The following KIAA1549L variants were observed in gnomAD, a reference collection of about 807,000 sequenced individuals.
KIAA1549L encodes the protein KIAA1549 like, also known as UPF0606 protein KIAA1549L.
Under a neutral mutation model 160.7 loss-of-function variants are expected in KIAA1549L, and 88 were observed. The ratio of observed to expected loss-of-function variants is 0.55; its 90% CI spans 0.46 to 0.65. The LOEUF is 0.65. Among genes scored for constraint, KIAA1549L ranks in the 30% least tolerant of loss-of-function variants. KIAA1549L has a pLI of 0.00. For missense variants in KIAA1549L, 2,258 were observed against 2,437.5 expected, an observed-to-expected ratio of 0.93 and a Z score of 1.55; for synonymous variants, 950 against 976.7, an observed-to-expected ratio of 0.97 and a Z score of 0.51.
chr11:33,412,860 A>G (rs1448235798), intron 1 of KIAA1549L, among the ~76,000 whole-genome samples: 1 of 152,242 alleles, frequency 6.6e-6, no homozygotes, highest in Non-Finnish European at 1.5e-5. Context: ...CTTTTTAGAA[A>G]CAAGGAAACT....
intron 15 of KIAA1549L, among the ~76,000 whole-genome samples, chr11:33,612,210 AG>A (rs2133334259): frequency 6.6e-6 from 1 of 152,350 alleles, no homozygotes; most frequent in Admixed American, 6.5e-5. Flanking sequence ...AACCTCGGTA[AG>A]CTCAGAGGTA....
At chr11:33,567,387 T>C (rs1027841517) in intron 8 of KIAA1549L, among the ~76,000 whole-genome samples, 1 of 152,184 alleles carries the variant, frequency 6.6e-6, no homozygotes, top group African/African-American at 2.4e-5. Flanking sequence ...GTGGCTTGCC[T>C]GAGGTCCCTG....
chr11:33,432,593 TA>T (rs1016052761), intron 1 of KIAA1549L, among the ~76,000 whole-genome samples: 29 of 152,294 alleles, frequency 1.9e-4, no homozygotes, highest in Admixed American at 7.2e-4. Flanking sequence ...TTCCATGATC[TA>T]AACTGAAGAC....
rs138176778 is a variant in KIAA1549L, at chr11:33,604,659, G to A, written c.4880-1982G>A. ...AAATAATGTCTTTTGCAGCAACTTG[G>A]ATGGAGCTAGAGGCCATTATTCTAA... is the stretch of plus-strand genomic sequence containing the variant. On this transcript the variant is annotated intron_variant, in intron 13 of 20. Coordinates refer to ENST00000658780, the MANE Select transcript of KIAA1549L (RefSeq NM_012194.3). Among the ~76,000 whole-genome samples the A allele has an allele frequency of 6.1e-3, 929 of 152,268 alleles. 8 individuals are homozygous for A. Among genetic ancestry groups the A allele is most frequent in the African/African-American group, 0.02 (842 of 41,556 alleles).
chr11:33,478,386 A>G (rs1268527274), intron 1 of KIAA1549L, among the ~76,000 whole-genome samples: 2 of 152,228 alleles, frequency 1.3e-5, no homozygotes, highest in African/African-American at 2.4e-5. Flanking sequence ...TCTTGGGGAA[A>G]ACACAGATTG....
At chr11:33,640,750 C>T (rs931265360) in intron 16 of KIAA1549L, among the ~76,000 whole-genome samples, 4 of 152,092 alleles carry the variant, frequency 2.6e-5, no homozygotes, top group Non-Finnish European at 2.9e-5. Flanking sequence ...TTCTAATTTC[C>T]GACCATGAAC....
chr11:33,607,086 A>G (rs1319486571), intron 14 of KIAA1549L, among the ~76,000 whole-genome samples: 2 of 152,112 alleles, frequency 1.3e-5, no homozygotes, highest in Admixed American at 1.3e-4. Flanking sequence ...TATGAAGAGA[A>G]GCATCAGGCG....
At position 33,606,700 on chromosome 11, in the gene KIAA1549L, G is replaced by T. The variant is rs758860156; in HGVS notation, c.4939G>T (p.Ala1647Ser). ...ATTTGACAACTCCAGCAAGGTGGCCGCTGAACCCTTTGACACATCTTCTGG... is the reference window on the plus strand; with the variant it reads ...ATTTGACAACTCCAGCAAGGTGGCCTCTGAACCCTTTGACACATCTTCTGG... ...VLFDNSSKVA[A>S]EPFDTSSGSV... The change falls in exon 14 of 21, where the codon GCT becomes TCT. Residue 1647 changes from alanine (A) to serine (S), a missense_variant. Physicochemically the swap from Ala to Ser is moderately conservative, Grantham distance 99. Coordinates refer to ENST00000658780, the MANE Select transcript of KIAA1549L (RefSeq NM_012194.3). 6.2e-7 allele frequency: 1 copy of T among 1,613,834 alleles called. No individual in the cohort carries two copies. The highest frequency in any genetic ancestry group is 1.7e-5 in the Admixed American group (1 of 59,998).
At chr11:33,458,925 C>T (rs911582) in intron 1 of KIAA1549L, among the ~76,000 whole-genome samples, 29,688 of 152,172 alleles carry the variant, frequency 0.2, 3,355 homozygotes, top group Middle Eastern at 0.31. Context: ...GACTTAGAAT[C>T]TGAGAAACAA....
At chr11:33,609,722 TG>T in intron 14 of KIAA1549L, 26 bp from the exon 15 acceptor site, 1 of 1,566,450 alleles carries the variant, frequency 6.4e-7, no homozygotes, top group South Asian at 1.2e-5. Context: ...GGGTCAGGTT[TG>T]GGCCTGAGAC....
intron 1 of KIAA1549L, among the ~76,000 whole-genome samples, chr11:33,446,295 A>C (rs1471949310): frequency 6.6e-6 from 1 of 152,020 alleles, no homozygotes; most frequent in Non-Finnish European, 1.5e-5. Flanking sequence ...GGGTTTCACC[A>C]TGTTGGCCAG....
Position 33,609,856 on chromosome 11 carries a change from C to G in KIAA1549L, c.5169C>G (p.Ser1723Arg), listed in dbSNP as rs1277326298. 2 of 1,613,844 alleles carry G rather than the reference C, an allele frequency of 1.2e-6. No homozygotes were observed. The highest frequency in any genetic ancestry group is 1.7e-6 in the Non-Finnish European group (2 of 1,179,790). Residue 1723 changes from serine (S) to arginine (R), a missense_variant, in exon 15 of 21, where the codon AGC (serine) becomes AGG (arginine). By Grantham distance (110) the Ser-to-Arg change is moderately radical. Around this residue, in one of 6 missense-constraint regions of KIAA1549L, gnomAD observed 1,359 missense variants for 1,546.6 expected, o/e 0.88. Coordinates refer to ENST00000658780, the MANE Select transcript of KIAA1549L (RefSeq NM_012194.3). ...GYYDFPAVETSKGLTERKKMY... is the reference protein window; with the variant it reads ...GYYDFPAVETRKGLTERKKMY... ...ACGACTTCCCTGCAGTGGAGACGAG[C>G]AAGGGTCTGACCGAAAGAAAGAAGA...
rs1040812471 is a variant in KIAA1549L at position 33,670,673 on chromosome 11, G to A, written c.*2519G>A. 1.3e-5 allele frequency: 2 copies of A among 152,218 alleles called. No individual in the cohort carries two copies. The highest frequency in any genetic ancestry group is 4.8e-5 in the African/African-American group (2 of 41,448). The allele number at this position is 152,218 out of a possible 1,614,324, so 9.4% of individuals were successfully genotyped here. On this transcript the variant is annotated 3_prime_UTR_variant, in exon 21 of 21. Transcript: ENST00000658780. ...TGAAGAATCTCCTAACCTCATAGAGGTGAGAGAGATGACTGGACAGCTGAC... is the reference window on the plus strand; with the variant it reads ...TGAAGAATCTCCTAACCTCATAGAGATGAGAGAGATGACTGGACAGCTGAC...
At chr11:33,392,331 G>T (rs1271135449) in intron 1 of KIAA1549L, among the ~76,000 whole-genome samples, 1 of 152,146 alleles carries the variant, frequency 6.6e-6, no homozygotes, top group Non-Finnish European at 1.5e-5. Flanking sequence ...ATATCTGTCT[G>T]TCCCACTATC....
chr11:33,441,700 TG>T (rs1250969790), intron 1 of KIAA1549L, among the ~76,000 whole-genome samples: 2 of 152,358 alleles, frequency 1.3e-5, no homozygotes, highest in African/African-American at 4.8e-5. Context: ...ATGTGTCTTT[TG>T]GCTGCATAAA....
chr11:33,605,344 A>G (rs1364414714), intron 13 of KIAA1549L, among the ~76,000 whole-genome samples: 3 of 152,168 alleles, frequency 2.0e-5, no homozygotes, highest in African/African-American at 7.2e-5. Flanking sequence ...GATGGCTTGT[A>G]TAGCAAGTGT....
intron 12 of KIAA1549L, among the ~76,000 whole-genome samples, chr11:33,595,698 C>G (rs1009613740): frequency 6.6e-6 from 1 of 152,154 alleles, no homozygotes; most frequent in African/African-American, 2.4e-5. Flanking sequence ...CGTTATGAAT[C>G]TTATGTTTCT....
chr11:33,510,679 G>A (rs1294593140), intron 1 of KIAA1549L, among the ~76,000 whole-genome samples: 3 of 152,258 alleles, frequency 2.0e-5, no homozygotes, highest in Non-Finnish European at 4.4e-5. Flanking sequence ...AAGAGAAGTA[G>A]GCTGAGATAC....
intron 1 of KIAA1549L, among the ~76,000 whole-genome samples, chr11:33,407,548 C>T (rs1302776149): frequency 6.6e-6 from 1 of 152,036 alleles, no homozygotes; most frequent in Non-Finnish European, 1.5e-5. Flanking sequence ...GGGGTTTCAC[C>T]GTGTTGGCCA....
Sources: allele counts gnomAD v4.1 joint callset (sites outside exome capture counted in the v4.1 genomes callset), GRCh38; gene constraint gnomAD v4.1.1; regional missense constraint gnomAD v4.1.1; transcripts MANE v1.5; gene names NCBI Gene and HGNC (gene_info 2026-07-23, HGNC 2026-07-21).